The following NUS1 variants were observed in gnomAD, a reference collection of about 807,000 sequenced individuals.
The protein encoded by NUS1 is NUS1 dehydrodolichyl diphosphate synthase subunit, also known as dehydrodolichyl diphosphate synthase complex subunit NUS1.
For synonymous variants in NUS1, 135 were observed against 155.2 expected, an observed-to-expected ratio of 0.87 and a Z score of 0.97; for missense variants, 292 against 382.9, an observed-to-expected ratio of 0.76 and a Z score of 1.98.
At chr6:117,682,694 A>T (rs922526314) in intron 1 of NUS1, among the ~76,000 whole-genome samples, 1 of 152,252 alleles carries the variant, frequency 6.6e-6, no homozygotes, top group African/African-American at 2.4e-5. Flanking sequence ...GCCTTAAGTC[A>T]TTAGCAGTTT....
intron 1 of NUS1, among the ~76,000 whole-genome samples, chr6:117,681,018 G>A (rs1426792369): frequency 6.6e-6 from 1 of 152,134 alleles, no homozygotes; most frequent in African/African-American, 2.4e-5. Flanking sequence ...TGCTATGTCT[G>A]TATTTAGGTA....
In NUS1 at chr6:117,707,159, A is replaced by T. The variant is rs1773512425; in HGVS notation, c.*144A>T. ...ATCAACAAACACAAAAAAGTGTCTT[A>T]CTTGAGAGTGAGTGTGTGTGTGTGC... On this transcript the variant is annotated 3_prime_UTR_variant, in exon 5 of 5. Coordinates refer to ENST00000368494, the MANE Select transcript of NUS1 (RefSeq NM_138459.5). The T allele has an allele frequency of 1.4e-6, 1 of 714,558 alleles. No individual in the cohort carries two copies. Among genetic ancestry groups the T allele is most frequent in the Middle Eastern group, 4.1e-4 (1 of 2,464 alleles). The allele number at this position is 714,558 out of a possible 1,614,324, so 44.3% of individuals were successfully genotyped here.
rs774415989 is a variant in NUS1 at position 117,707,045 on chromosome 6, G to A, written c.*30G>A. 3.1e-6 allele frequency: 5 copies of A among 1,593,270 alleles called. No individual in the cohort carries two copies. The Admixed American group carries it at 5.0e-5, about 16-fold the overall frequency. On this transcript the variant is annotated 3_prime_UTR_variant, in exon 5 of 5. Transcript: ENST00000368494. ...CATTGGTTGCATAATTTGATTTGAG[G>A]CTTGTGGAGGAAAGGAACCAAGTGA...
At chr6:117,699,484 A>G (rs964662745) in intron 3 of NUS1, among the ~76,000 whole-genome samples, 6 of 152,302 alleles carry the variant, frequency 3.9e-5, no homozygotes, top group Non-Finnish European at 2.9e-5. Flanking sequence ...GAGAGAAATT[A>G]AGGAGGACAG....
chr6:117,709,538 GGTGTTATAATATTAATGAACA>G lies in NUS1; in HGVS notation c.*2527_*2547del, dbSNP rs1166735533. The stretch of plus-strand genomic sequence containing the variant: ...TAAGAATGCCTGTCTTTGAGAGGAA[GGTGTTATAATATTAATGAACA>G]GTGCCAAATACACTGTGCATATCTG... On this transcript the variant is annotated 3_prime_UTR_variant, in exon 5 of 5. Transcript: ENST00000368494. The G allele has an allele frequency of 6.8e-6, 1 of 147,974 alleles. No individual in the cohort carries two copies. Among genetic ancestry groups the G allele is most frequent in the Non-Finnish European group, 1.5e-5 (1 of 66,926 alleles). 9.2% of individuals were successfully genotyped at this position (147,974 alleles called of 1,614,324 possible).
chr6:117,707,093 A>G lies in NUS1; in HGVS notation c.*78A>G, dbSNP rs75648010. ...TGACTCTGATGTTTACAAAGCACCTATGAAACCCTGTACACACCTAGTTCA... is the reference window on the plus strand; with the variant it reads ...TGACTCTGATGTTTACAAAGCACCTGTGAAACCCTGTACACACCTAGTTCA... On this transcript the variant is annotated 3_prime_UTR_variant, in exon 5 of 5. Transcript: ENST00000368494. 6.9e-4 allele frequency: 869 copies of G among 1,254,752 alleles called. 6 individuals carry two copies. The East Asian group carries it at 0.018, about 26-fold the overall frequency. The allele number at this position is 1,254,752 out of a possible 1,614,324, so 77.7% of individuals were successfully genotyped here.
chr6:117,677,686 C>T (rs938138441), intron 1 of NUS1, among the ~76,000 whole-genome samples: 13 of 152,140 alleles, frequency 8.5e-5, no homozygotes, highest in Non-Finnish European at 1.6e-4. Flanking sequence ...AACATGATGA[C>T]GCAGTAGCCT....
At chr6:117,676,414 A>G (rs1362288204) in intron 1 of NUS1, among the ~76,000 whole-genome samples, 2 of 152,166 alleles carry the variant, frequency 1.3e-5, no homozygotes, top group Non-Finnish European at 2.9e-5. Flanking sequence ...CCCCGTTTCT[A>G]CTAAAAATAC....
At chr6:117,706,338 A>G (rs894112467) in intron 4 of NUS1, among the ~76,000 whole-genome samples, 1 of 152,200 alleles carries the variant, frequency 6.6e-6, no homozygotes, top group African/African-American at 2.4e-5. Context: ...TCTGCCCAAC[A>G]TTAAGCATGG....
chr6:117,677,754 A>G (rs999871806), intron 1 of NUS1, among the ~76,000 whole-genome samples: 1 of 152,218 alleles, frequency 6.6e-6, no homozygotes, highest in Non-Finnish European at 1.5e-5. Context: ...TCAGAGACTG[A>G]CATTTATGGA....
In NUS1 at chr6:117,706,823, G is replaced by T. The variant is rs921527186; in HGVS notation, c.792-102G>T. 8.3e-6 allele frequency: 7 copies of T among 844,470 alleles called. No individual in the cohort carries two copies. The Admixed American group carries it at 1.2e-4, about 15-fold the overall frequency. The allele number at this position is 844,470 out of a possible 1,614,324, so 52.3% of individuals were successfully genotyped here. A position where few individuals can be genotyped will look rare whatever the true frequency, so the allele number is the denominator to read the frequency against. On this transcript the variant is annotated intron_variant, in intron 4 of 4. Coordinates refer to ENST00000368494, the MANE Select transcript of NUS1 (RefSeq NM_138459.5). Reference sequence around the variant, plus strand: ...GTGCTGTCTGGTGGAGGATAATTTGGTGTATTCTATTCTTAACTTCTTTTT... The same window carrying T: ...GTGCTGTCTGGTGGAGGATAATTTGTTGTATTCTATTCTTAACTTCTTTTT...
At chr6:117,679,869 A>G (rs543278474) in intron 1 of NUS1, among the ~76,000 whole-genome samples, 71 of 152,324 alleles carry the variant, frequency 4.7e-4, no homozygotes, top group African/African-American at 1.6e-3. Flanking sequence ...GGAGAAATGG[A>G]CTTCACCTCT....
intron 3 of NUS1, among the ~76,000 whole-genome samples, chr6:117,695,193 C>CAAAAA (rs58136219): frequency 0.019 from 1,072 of 55,272 alleles, 24 homozygotes; most frequent in Middle Eastern, 0.088. Flanking sequence ...GACCCTGTCT[C>CAAAAA]AAAAAAAAAA....
At chr6:117,685,833 T>C (rs1249296693) in intron 1 of NUS1, among the ~76,000 whole-genome samples, 1 of 152,042 alleles carries the variant, frequency 6.6e-6, no homozygotes, top group Admixed American at 6.6e-5. Context: ...CTGTGAAACC[T>C]CCTTAAAAGC....
intron 1 of NUS1, among the ~76,000 whole-genome samples, chr6:117,688,517 A>G (rs1202476488): frequency 1.3e-5 from 2 of 151,944 alleles, no homozygotes; most frequent in African/African-American, 4.8e-5. Flanking sequence ...CTGTCCTACT[A>G]CCCCTATACA....
chr6:117,706,651 A>G (rs1050485016), intron 4 of NUS1, among the ~76,000 whole-genome samples: 2 of 152,124 alleles, frequency 1.3e-5, no homozygotes, highest in African/African-American at 2.4e-5. Context: ...GGGAATAGCT[A>G]TCTTCAATGA....
At chr6:117,681,758 C>T (rs1773064666) in intron 1 of NUS1, among the ~76,000 whole-genome samples, 1 of 152,152 alleles carries the variant, frequency 6.6e-6, no homozygotes, top group Non-Finnish European at 1.5e-5. Context: ...TGTACAGTTT[C>T]ACATTTATCT....
At chr6:117,680,049 A>T (rs1311232924) in intron 1 of NUS1, among the ~76,000 whole-genome samples, 3 of 152,226 alleles carry the variant, frequency 2.0e-5, no homozygotes. Context: ...CTAGATAACA[A>T]CATTTAATCC....
chr6:117,695,296 G>A (rs1461225021), intron 3 of NUS1, among the ~76,000 whole-genome samples: 1 of 147,262 alleles, frequency 6.8e-6, no homozygotes, highest in Non-Finnish European at 1.5e-5. Flanking sequence ...TTTGACATGT[G>A]TCCGTCACAG....
Sources: gnomAD v4.1 joint callset for allele counts (sites outside exome capture counted in the v4.1 genomes callset) on GRCh38, gnomAD v4.1.1 for gene constraint, MANE v1.5 for transcripts, NCBI Gene and HGNC (gene_info 2026-07-23, HGNC 2026-07-21) for gene names.